Variants in GTF3A observed in about 807,000 individuals in gnomAD.
The protein encoded by GTF3A is transcription factor IIIA.
GTF3A carries 40 observed loss-of-function variants against 37.6 expected under a neutral mutation model. The observed-to-expected ratio is 1.06, with a 90% CI of 0.83 to 1.38. GTF3A has a LOEUF of 1.38. GTF3A is among the 40% of genes most tolerant of loss of function. The probability of loss-of-function intolerance (pLI) is 0.00; values close to 1 mark genes in which losing one functional copy is unlikely to be tolerated. For missense variants in GTF3A, 500 were observed against 462.6 expected (o/e 1.08, Z -0.74); for synonymous variants, 191 against 166.7 (o/e 1.15, Z -1.12).
rs547701769 is a variant in GTF3A, at chr13:27,428,455, A to C, written c.302+1263A>C. On this transcript the variant is annotated intron_variant, in intron 2 of 8. Transcript: ENST00000381140. The stretch of plus-strand genomic sequence containing the variant: ...TGTGCAGTGCTTTCAAGCACGGCCT[A>C]CATGTGAAATCCAGGTTTCAAGTGT... 5.3e-5 allele frequency among the ~76,000 whole-genome samples: 8 copies of C among 152,350 alleles called. No individual in the cohort carries two copies. The South Asian group carries it at 1.2e-3, about 24-fold the overall frequency.
At chr13:27,425,971 C>T (rs765946451) in intron 1 of GTF3A, 1 of 152,894 alleles carries the variant, frequency 6.5e-6, no homozygotes, top group Non-Finnish European at 1.5e-5. Flanking sequence ...CCTCGTCTGC[C>T]CTTTTCGTTG....
Position 27,434,822 on chromosome 13 carries a change from G to C in GTF3A, c.661G>C (p.Val221Leu), listed in dbSNP as rs914310045. Residue 221 changes from valine (V) to leucine (L), a missense_variant, in exon 7 of 9, where the codon GTA becomes CTA. Physicochemically the swap from Val to Leu is conservative, Grantham distance 32 (BLOSUM62 1). Transcript: ENST00000381140. Reference sequence around the variant, plus strand: ...CCCACCAGAGGAAATACTATGTGAAGTATGCCGGAAAACATTTAAACGCAA... The same window carrying C: ...CCCACCAGAGGAAATACTATGTGAACTATGCCGGAAAACATTTAAACGCAA... The C allele has an allele frequency of 6.2e-7, 1 of 1,609,472 alleles. No individual in the cohort carries two copies. Among genetic ancestry groups the C allele is most frequent in the African/African-American group, 1.3e-5 (1 of 74,940 alleles).
chr13:27,435,063 C>G, intron 7 of GTF3A, 29 bp downstream of exon 7: 1 of 1,535,338 alleles, frequency 6.5e-7, no homozygotes, highest in Non-Finnish European at 9.0e-7. Context: ...ACTCATGGTC[C>G]TATAGTCTAT....
At position 27,434,817 on chromosome 13, in the gene GTF3A, G is replaced by A. The variant is rs760347588; in HGVS notation, c.656G>A (p.Cys219Tyr). The A allele has an allele frequency of 6.2e-7, 1 of 1,606,876 alleles. No homozygotes were observed. The highest frequency in any genetic ancestry group is 8.5e-7 in the Non-Finnish European group (1 of 1,174,170). The change falls in exon 7 of 9, where the codon TGT (cysteine) becomes TAT (tyrosine). Residue 219 changes from cysteine (C) to tyrosine (Y), a missense_variant. Physicochemically the swap from Cys to Tyr is radical, Grantham distance 194 (BLOSUM62 -2). Transcript: ENST00000381140. ...TCTGTCCCACCAGAGGAAATACTAT[G>A]TGAAGTATGCCGGAAAACATTTAAA...
chr13:27,429,058 C>T (rs1953633272), intron 2 of GTF3A, among the ~76,000 whole-genome samples: 1 of 151,844 alleles, frequency 6.6e-6, no homozygotes, highest in Non-Finnish European at 1.5e-5. Context: ...GCATTCTGTC[C>T]CTGCAGTTAG....
Position 27,432,796 on chromosome 13 carries a change from C to A in GTF3A, c.554C>A (p.Ala185Asp). 3 of 1,601,132 alleles carry A rather than the reference C, an allele frequency of 1.9e-6. No individual in the cohort carries two copies. Among genetic ancestry groups the A allele is most frequent in the Non-Finnish European group, 2.6e-6 (3 of 1,173,436 alleles). ...AGCAAGCTGAAACGACATGCCAAGG[C>A]CCACGAGGGTGTGTACGGATAGCCT... Residue 185 changes from alanine to aspartate, a missense_variant, in exon 5 of 9, where the codon GCC becomes GAC. Ala to Asp is a moderately radical substitution (Grantham distance 126, BLOSUM62 -2). Transcript: ENST00000381140.
chr13:27,431,371 T>C (rs1373733735), intron 4 of GTF3A, among the ~76,000 whole-genome samples: 1 of 152,058 alleles, frequency 6.6e-6, no homozygotes, highest in Non-Finnish European at 1.5e-5. Context: ...CAATTGCAAA[T>C]ACATGGAGCC....
Position 27,429,916 on chromosome 13 carries a change from T to C in GTF3A, c.349T>C (p.Leu117=), listed in dbSNP as rs1341781654. ...TCAAAAATTCAACACAAAATCAAAC[T>C]TGAAGAAACATTTTGAACGCAAACA... Residue 117 remains leucine, a synonymous_variant, in exon 3 of 9, where the codon TTG becomes CTG. Transcript: ENST00000381140. 1.3e-6 allele frequency: 2 copies of C among 1,539,908 alleles called. No individual in the cohort carries two copies. The highest frequency in any genetic ancestry group is 4.9e-5 in the East Asian group (2 of 40,600).
chr13:27,434,539 T>C (rs1953690861), intron 6 of GTF3A: 1 of 476,496 alleles, frequency 2.1e-6, no homozygotes, highest in East Asian at 3.2e-5. Context: ...ACTGGTCTGC[T>C]TCATTTTCTG....
chr13:27,434,486 G>A (rs774238858), intron 6 of GTF3A, among the ~76,000 whole-genome samples: 1 of 152,024 alleles, frequency 6.6e-6, no homozygotes. Flanking sequence ...CTGTGGGACC[G>A]CCTGGGAAAC....
At chr13:27,430,286 T>C (rs1350308821) in intron 3 of GTF3A, among the ~76,000 whole-genome samples, 2 of 152,226 alleles carry the variant, frequency 1.3e-5, no homozygotes, top group African/African-American at 4.8e-5. Context: ...AAGGTTTTAA[T>C]TTGGAAGCAG....
Position 27,432,788 on chromosome 13 carries a change from T to C in GTF3A, c.546T>C (p.His182=), listed in dbSNP as rs1306043319. ...CATCACCCAGCAAGCTGAAACGACA[T>C]GCCAAGGCCCACGAGGGTGTGTACG... The change falls in exon 5 of 9, where the codon CAT becomes CAC. Residue 182 remains histidine (H), a synonymous_variant. Coordinates refer to ENST00000381140, the MANE Select transcript of GTF3A (RefSeq NM_002097.3). 2 of 1,604,118 alleles carry C rather than the reference T, an allele frequency of 1.2e-6. No individual in the cohort carries two copies. Among genetic ancestry groups the C allele is most frequent in the Non-Finnish European group, 1.7e-6 (2 of 1,175,182 alleles).
At chr13:27,428,262 C>T (rs963988691) in intron 2 of GTF3A, among the ~76,000 whole-genome samples, 1 of 152,148 alleles carries the variant, frequency 6.6e-6, no homozygotes, top group Non-Finnish European at 1.5e-5. Flanking sequence ...GCTCCCTGGA[C>T]TCTCCATTCT....
rs562128011 is a variant in GTF3A, at chr13:27,433,316, TATGA to T, written c.562+513_562+516del. ...TTTCAATTTCCCAGGTCCTAGAATTTATGATTTTTTTTTTTTTAAGAGGTTAGTA... is the reference window on the plus strand; with the variant it reads ...TTTCAATTTCCCAGGTCCTAGAATTTTTTTTTTTTTTTTAAGAGGTTAGTA... On this transcript the variant is annotated intron_variant, in intron 5 of 8. Transcript: ENST00000381140. Among the ~76,000 whole-genome samples, 744 of 126,138 alleles carry T rather than the reference TATGA, an allele frequency of 5.9e-3. 2 individuals carry two copies. Among genetic ancestry groups the T allele is most frequent in the Middle Eastern group, 0.029 (6 of 208 alleles). The allele number at this position is 126,138 out of a possible 152,430, so 82.8% of individuals were successfully genotyped here. A position where few individuals can be genotyped will look rare whatever the true frequency, so the allele number is the denominator to read the frequency against.
chr13:27,424,835 G>T lies in GTF3A; in HGVS notation c.98G>T (p.Arg33Leu), dbSNP rs1410936090. Reference sequence around the variant, plus strand: ...GAGAGCTCAGCTCCGACCCCGCCGCGCCCCGCGCTTCCCAGGAGGTTCATC... The same window carrying T: ...GAGAGCTCAGCTCCGACCCCGCCGCTCCCCGCGCTTCCCAGGAGGTTCATC... Residue 33 changes from arginine to leucine, a missense_variant, in exon 1 of 9, where the codon CGC (arginine) becomes CTC (leucine). Physicochemically the swap from Arg to Leu is moderately radical, Grantham distance 102. Transcript: ENST00000381140. The T allele has an allele frequency of 1.3e-6, 2 of 1,550,880 alleles. No homozygotes were observed. Among genetic ancestry groups the T allele is most frequent in the Non-Finnish European group, 1.7e-6 (2 of 1,146,824 alleles).
At position 27,424,819 on chromosome 13, in the gene GTF3A, G is replaced by T; in HGVS notation, c.82G>T (p.Ala28Ser). The T allele has an allele frequency of 6.4e-7, 1 of 1,550,928 alleles. No individual in the cohort carries two copies. The highest frequency in any genetic ancestry group is 8.7e-7 in the Non-Finnish European group (1 of 1,146,926). Reference sequence around the variant, plus strand: ...GTTCATTGCAGCCGGCGAGAGCTCAGCTCCGACCCCGCCGCGCCCCGCGCT... The same window carrying T: ...GTTCATTGCAGCCGGCGAGAGCTCATCTCCGACCCCGCCGCGCCCCGCGCT... The change falls in exon 1 of 9, where the codon GCT becomes TCT. Residue 28 changes from alanine (A) to serine (S), a missense_variant. Coordinates refer to ENST00000381140, the MANE Select transcript of GTF3A (RefSeq NM_002097.3).
chr13:27,424,966 G>A (rs374007436), intron 1 of GTF3A, 28 bp downstream of exon 1: 41 of 1,510,074 alleles, frequency 2.7e-5, no homozygotes, highest in East Asian at 2.1e-4. Flanking sequence ...GCCAACCCTG[G>A]GCCTAGGGAT....
intron 2 of GTF3A, among the ~76,000 whole-genome samples, chr13:27,428,244 A>T (rs553844680): frequency 6.6e-6 from 1 of 152,268 alleles, no homozygotes; most frequent in South Asian, 2.1e-4. Flanking sequence ...CATAGCAAAG[A>T]TAAGGCAGCT....
chr13:27,435,538 T>A lies in GTF3A; in HGVS notation c.1039T>A (p.Ser347Thr), dbSNP rs750313230. ...CTTATCTTTGTGTCAAAACGGAGAG[T>A]CACCCAACTGTGTGGAAGACAAGAT... is the stretch of plus-strand genomic sequence containing the variant. Residue 347 changes from serine (S) to threonine (T), a missense_variant, in exon 9 of 9, where the codon TCA (serine) becomes ACA (threonine). By Grantham distance (58) the Ser-to-Thr change is moderately conservative (BLOSUM62 1). Coordinates refer to ENST00000381140, the MANE Select transcript of GTF3A (RefSeq NM_002097.3). 3 of 1,613,500 alleles carry A rather than the reference T, an allele frequency of 1.9e-6. No homozygotes were observed. In the Admixed American group the frequency reaches 5.0e-5, roughly 27 times the overall value.
Sources: gnomAD v4.1 joint callset for allele counts (sites outside exome capture counted in the v4.1 genomes callset) on GRCh38, gnomAD v4.1.1 for gene constraint, MANE v1.5 for transcripts, NCBI Gene and HGNC (gene_info 2026-07-23, HGNC 2026-07-21) for gene names.